GRIN3A: variants seen among roughly 807,000 people sequenced by gnomAD.
GRIN3A encodes glutamate receptor ionotropic, NMDA 3A.
GRIN3A carries 47 observed loss-of-function variants against 92.4 expected under a neutral mutation model. The observed-to-expected ratio is 0.51, with a 90% CI of 0.40 to 0.65. GRIN3A has a LOEUF of 0.65. GRIN3A is among the 30% of genes least tolerant of loss of function. GRIN3A has a pLI of 0.00. For synonymous variants in GRIN3A, 527 were observed against 540.6 expected (o/e 0.97, Z 0.35); for missense variants, 1,324 against 1,393.1 (o/e 0.95, Z 0.79).
intron 8 of GRIN3A, 83 bp from the exon 9 acceptor site, chr9:101,573,596 C>A: frequency 2.8e-6 from 3 of 1,082,628 alleles, no homozygotes; most frequent in Non-Finnish European, 4.2e-6. Flanking sequence ...ATTTCCTGTG[C>A]AATAATATGG....
intron 5 of GRIN3A, among the ~76,000 whole-genome samples, chr9:101,621,217 A>G (rs956414801): frequency 2.0e-5 from 3 of 151,554 alleles, no homozygotes; most frequent in African/African-American, 7.3e-5. Flanking sequence ...CCTGGGAGGC[A>G]GAGGTTGCAG....
At chr9:101,682,758 G>A (rs1165854375) in intron 2 of GRIN3A, among the ~76,000 whole-genome samples, 3 of 152,148 alleles carry the variant, frequency 2.0e-5, no homozygotes, top group Non-Finnish European at 4.4e-5. Flanking sequence ...CGAGGCGGGC[G>A]GATCATGAGG....
intron 2 of GRIN3A, 33 bp downstream of exon 2, chr9:101,686,563 G>T: frequency 6.2e-7 from 1 of 1,612,872 alleles, no homozygotes; most frequent in Non-Finnish European, 8.5e-7. Context: ...ATGGCCCTAT[G>T]AATGGGGATA....
intron 3 of GRIN3A, among the ~76,000 whole-genome samples, chr9:101,668,568 T>A (rs1239061523): frequency 6.6e-6 from 1 of 152,058 alleles, no homozygotes; most frequent in Non-Finnish European, 1.5e-5. Flanking sequence ...ATCACCAACA[T>A]CTCCCTTTAG....
At chr9:101,616,197 C>T (rs10117679) in intron 5 of GRIN3A, among the ~76,000 whole-genome samples, 19,790 of 152,124 alleles carry the variant, frequency 0.13, 2,379 homozygotes, top group African/African-American at 0.33. Context: ...GACTATTATA[C>T]GCTTGTGCCT....
chr9:101,667,187 T>C (rs1418578830), intron 3 of GRIN3A, among the ~76,000 whole-genome samples: 1 of 151,952 alleles, frequency 6.6e-6, no homozygotes, highest in Non-Finnish European at 1.5e-5. Flanking sequence ...CTTTATACTA[T>C]ATACCTATAT....
At chr9:101,664,273 T>A (rs193100519) in intron 3 of GRIN3A, among the ~76,000 whole-genome samples, 2 of 152,074 alleles carry the variant, frequency 1.3e-5, no homozygotes, top group Admixed American at 1.3e-4. Flanking sequence ...CTCTCTACTT[T>A]ATTTTCTGCA....
At position 101,660,418 on chromosome 9, in the gene GRIN3A, A is replaced by T. The variant is rs551360943; in HGVS notation, c.2352+9642T>A. On this transcript the variant is annotated intron_variant, in intron 3 of 8. Transcript: ENST00000361820. Reference sequence around the variant, plus strand: ...CCTCTACCTCAATCCTACTGGTCTCATGTTGGCCACCTCTGCTTCAATAGA... The same window carrying T: ...CCTCTACCTCAATCCTACTGGTCTCTTGTTGGCCACCTCTGCTTCAATAGA... Among the ~76,000 whole-genome samples, 4 of 151,936 alleles carry T rather than the reference A, an allele frequency of 2.6e-5. No homozygotes were observed. The East Asian group carries it at 7.8e-4, about 30-fold the overall frequency.
At chr9:101,608,049 C>T (rs1564125085) in intron 6 of GRIN3A, among the ~76,000 whole-genome samples, 1 of 152,186 alleles carries the variant, frequency 6.6e-6, no homozygotes, top group Non-Finnish European at 1.5e-5. Context: ...ATATGCATTG[C>T]TGTTTAAATG....
At chr9:101,645,027 C>T (rs1010485844) in intron 3 of GRIN3A, among the ~76,000 whole-genome samples, 4 of 151,786 alleles carry the variant, frequency 2.6e-5, no homozygotes, top group Admixed American at 2.0e-4. Flanking sequence ...ATTTTTTCTT[C>T]TAGCTGTTTT....
rs142216255 is a variant in GRIN3A, at chr9:101,686,895, G to A, written c.1005C>T (p.Ile335=). The change falls in exon 2 of 9, where the codon ATC becomes ATT. Residue 335 remains isoleucine (I), a synonymous_variant. Transcript: ENST00000361820. ...VVMFGCDMES[I]RRIFEITTQF... ...GGGTTGTAATTTCGAAAATCCGCCG[G>A]ATACTTTCCATGTCGCAGCCAAACA... 2.2e-5 allele frequency: 35 copies of A among 1,614,064 alleles called. No homozygotes were observed. In the African/African-American group the frequency reaches 4.4e-4, roughly 20 times the overall value.
In GRIN3A at chr9:101,571,494, A is replaced by G. The variant is rs148722209; in HGVS notation, c.*1680T>C. ...CTCCTGAACTTATTGTAGGCATTCA[A>G]ATTGGTTGGGGGTGGAACAATGAGT... On this transcript the variant is annotated 3_prime_UTR_variant, in exon 9 of 9. Transcript: ENST00000361820. The G allele has an allele frequency of 7.2e-5, 11 of 152,300 alleles. No homozygotes were observed. The highest frequency in any genetic ancestry group is 2.6e-4 in the African/African-American group (11 of 41,570). 9.4% of individuals were successfully genotyped at this position (152,300 alleles called of 1,614,324 possible).
At chr9:101,701,648 T>A (rs574302980) in intron 1 of GRIN3A, among the ~76,000 whole-genome samples, 6 of 152,232 alleles carry the variant, frequency 3.9e-5, no homozygotes, top group African/African-American at 1.4e-4. Context: ...GACAAAGATT[T>A]CATGATGAAG....
intron 4 of GRIN3A, among the ~76,000 whole-genome samples, chr9:101,623,681 T>C (rs1828588751): frequency 6.6e-6 from 1 of 152,230 alleles, no homozygotes; most frequent in South Asian, 2.1e-4. Flanking sequence ...CTTTAATTAC[T>C]TCTAAATCCA....
chr9:101,676,593 G>C (rs1829399100), intron 2 of GRIN3A, among the ~76,000 whole-genome samples: 1 of 150,592 alleles, frequency 6.6e-6, no homozygotes, highest in African/African-American at 2.4e-5. Flanking sequence ...TTGATTTTTT[G>C]CTTTTGCCTG....
chr9:101,689,588 A>G (rs940299461), intron 1 of GRIN3A, among the ~76,000 whole-genome samples: 22 of 152,184 alleles, frequency 1.4e-4, no homozygotes, highest in African/African-American at 2.4e-5. Flanking sequence ...CAAACTTGAG[A>G]CATATTTCTT....
chr9:101,590,767 A>C (rs1342546304), intron 6 of GRIN3A, among the ~76,000 whole-genome samples: 1 of 152,178 alleles, frequency 6.6e-6, no homozygotes, highest in Non-Finnish European at 1.5e-5. Context: ...TACCTACTCT[A>C]TCTCTTAACA....
intron 5 of GRIN3A, among the ~76,000 whole-genome samples, chr9:101,622,374 C>T (rs1189231335): frequency 1.3e-5 from 2 of 152,184 alleles, no homozygotes; most frequent in East Asian, 1.9e-4. Context: ...ATGGCTGTCT[C>T]GAGAGCCAGC....
chr9:101,723,399 G>C (rs1217284571), intron 1 of GRIN3A, among the ~76,000 whole-genome samples: 1 of 152,158 alleles, frequency 6.6e-6, no homozygotes, highest in Non-Finnish European at 1.5e-5. Context: ...GCTGGCTTCA[G>C]GAGTGAAGCT....
Sources: allele counts gnomAD v4.1 joint callset (sites outside exome capture counted in the v4.1 genomes callset), GRCh38; gene constraint gnomAD v4.1.1; transcripts MANE v1.5; gene names NCBI Gene and HGNC (gene_info 2026-07-23, HGNC 2026-07-21).